The following TENM4 variants were observed in gnomAD, a reference collection of about 807,000 sequenced individuals.
TENM4 encodes the protein teneurin transmembrane protein 4.
TENM4 carries 82 observed loss-of-function variants against 243.3 expected under a neutral mutation model. That is an observed-to-expected ratio of 0.34 (90% confidence interval 0.28 to 0.40). TENM4 has a LOEUF of 0.40. Ranked by LOEUF, TENM4 falls within the 10% of genes least tolerant of loss-of-function variation. The pLI is 1.00. For synonymous variants in TENM4, 1,412 were observed against 1,456.3 expected (o/e 0.97, Z 0.69); for missense variants, 3,138 against 3,673.3 (o/e 0.85, Z 3.77).
chr11:79,025,848 C>A (rs535208153), intron 6 of TENM4, among the ~76,000 whole-genome samples: 4 of 152,250 alleles, frequency 2.6e-5, no homozygotes, highest in Non-Finnish European at 5.9e-5. Flanking sequence ...CGATCTCTCT[C>A]GATTACAATG....
chr11:78,777,856 T>C (rs1386072271), intron 17 of TENM4, among the ~76,000 whole-genome samples: 1 of 152,214 alleles, frequency 6.6e-6, no homozygotes, highest in Non-Finnish European at 1.5e-5. Context: ...AGAGCACACA[T>C]ATCTGATTAT....
chr11:79,059,297 C>T (rs2136965096), intron 6 of TENM4, among the ~76,000 whole-genome samples: 1 of 152,282 alleles, frequency 6.6e-6, no homozygotes, highest in Middle Eastern at 3.4e-3. Context: ...TTGGGTCATG[C>T]AATTGTCTCT....
chr11:78,914,368 C>G (rs575076439), intron 6 of TENM4, among the ~76,000 whole-genome samples: 4 of 152,248 alleles, frequency 2.6e-5, no homozygotes, highest in African/African-American at 9.6e-5. Flanking sequence ...AGGAGTAAAT[C>G]TACTCCATGG....
chr11:79,316,388 T>A (rs17138050), intron 1 of TENM4, among the ~76,000 whole-genome samples: 10,549 of 152,202 alleles, frequency 0.069, 429 homozygotes, highest in South Asian at 0.082. Context: ...CATAGCTCAA[T>A]GATTGAATGA....
chr11:79,355,278 A>G (rs554330459), intron 1 of TENM4, among the ~76,000 whole-genome samples: 130 of 152,342 alleles, frequency 8.5e-4, no homozygotes, highest in Admixed American at 1.6e-3. Flanking sequence ...CACACCTGCA[A>G]TCCCAGCACT....
intron 7 of TENM4, among the ~76,000 whole-genome samples, chr11:78,894,472 T>C (rs1565427412): frequency 6.6e-6 from 1 of 152,224 alleles, no homozygotes; most frequent in Non-Finnish European, 1.5e-5. Flanking sequence ...TTTTAACTTT[T>C]ACAATTTAAA....
At chr11:78,825,473 G>T (rs951713150) in intron 12 of TENM4, among the ~76,000 whole-genome samples, 1 of 152,152 alleles carries the variant, frequency 6.6e-6, no homozygotes, top group African/African-American at 2.4e-5. Context: ...AATTTAATAG[G>T]TCTGGGGTAG....
chr11:78,910,927 A>T (rs1302028754), intron 6 of TENM4, among the ~76,000 whole-genome samples: 1 of 152,244 alleles, frequency 6.6e-6, no homozygotes, highest in East Asian at 1.9e-4. Flanking sequence ...AGGACAGCAG[A>T]CTGTGGGGCT....
intron 1 of TENM4, among the ~76,000 whole-genome samples, chr11:79,413,274 G>A (rs941400742): frequency 6.6e-6 from 1 of 152,196 alleles, no homozygotes; most frequent in Non-Finnish European, 1.5e-5. Context: ...TTCCCAAGGT[G>A]TCTACAGGCT....
At chr11:79,111,659 C>A (rs1861511853) in intron 4 of TENM4, among the ~76,000 whole-genome samples, 2 of 152,234 alleles carry the variant, frequency 1.3e-5, no homozygotes, top group South Asian at 4.1e-4. Flanking sequence ...AACTGATATA[C>A]TCCTTAATGG....
At chr11:79,198,754 C>A (rs547818821) in intron 3 of TENM4, among the ~76,000 whole-genome samples, 1 of 152,306 alleles carries the variant, frequency 6.6e-6, no homozygotes, top group South Asian at 2.1e-4. Context: ...ATGCTGGGGA[C>A]GCAGAGGGAG....
At chr11:78,841,413 G>T (rs1432022504) in intron 12 of TENM4, among the ~76,000 whole-genome samples, 4 of 152,144 alleles carry the variant, frequency 2.6e-5, no homozygotes, top group Admixed American at 1.3e-4. Flanking sequence ...CCATAAGTGG[G>T]TTACTCTGTC....
chr11:78,753,966 ACT>A (rs1303521139), intron 19 of TENM4, among the ~76,000 whole-genome samples: 1 of 152,136 alleles, frequency 6.6e-6, no homozygotes, highest in African/African-American at 2.4e-5. Flanking sequence ...ACTTCTCTGG[ACT>A]CTGAATCCTC....
chr11:78,735,480 A>G lies in TENM4; in HGVS notation c.2877-2903T>C, dbSNP rs186592465. 2.6e-5 allele frequency among the ~76,000 whole-genome samples: 4 copies of G among 152,344 alleles called. No homozygotes were observed. In the East Asian group the frequency reaches 7.7e-4, roughly 29 times the overall value. ...ATGTGAGGAGGGAGGAAAGACAAAC[A>G]TGAAAAGACATATTCCCAAGGCAGT... On this transcript the variant is annotated intron_variant, in intron 20 of 33. Transcript: ENST00000278550.
At chr11:79,023,388 C>T (rs9787829) in intron 6 of TENM4, among the ~76,000 whole-genome samples, 47,928 of 151,398 alleles carry the variant, frequency 0.32, 9,010 homozygotes, top group African/African-American at 0.53. Flanking sequence ...GGCAAAACCC[C>T]GTCTCTACTA....
At chr11:79,258,374 T>C (rs1210072797) in intron 2 of TENM4, among the ~76,000 whole-genome samples, 1 of 152,234 alleles carries the variant, frequency 6.6e-6, no homozygotes, top group East Asian at 1.9e-4. Flanking sequence ...TCTTCCATTT[T>C]CCAGCCTCCC....
chr11:79,314,126 C>G (rs1462759708), intron 1 of TENM4, among the ~76,000 whole-genome samples: 1 of 152,198 alleles, frequency 6.6e-6, no homozygotes, highest in African/African-American at 2.4e-5. Flanking sequence ...AGCTCAGCCA[C>G]TTTCAGAATG....
intron 6 of TENM4, among the ~76,000 whole-genome samples, chr11:79,038,982 A>T (rs1859452001): frequency 1.3e-5 from 2 of 152,184 alleles, no homozygotes; most frequent in African/African-American, 4.8e-5. Flanking sequence ...GTGATAAATA[A>T]ATGTATTTAG....
intron 24 of TENM4, among the ~76,000 whole-genome samples, chr11:78,722,120 C>T (rs111652013): frequency 6.6e-6 from 1 of 152,130 alleles, no homozygotes; most frequent in Non-Finnish European, 1.5e-5. Flanking sequence ...AAGGGATCCT[C>T]CTGCCTGAAC....
Sources: allele counts gnomAD v4.1 joint callset (sites outside exome capture counted in the v4.1 genomes callset), GRCh38; gene constraint gnomAD v4.1.1; transcripts MANE v1.5; gene names NCBI Gene and HGNC (gene_info 2026-07-23, HGNC 2026-07-21).